Variants in DCDC1 observed in about 807,000 individuals in gnomAD.
The protein encoded by DCDC1 is doublecortin domain-containing protein 1.
A neutral mutation model predicts 178.3 loss-of-function variants in DCDC1; 200 were observed. The ratio of observed to expected loss-of-function variants is 1.12; its 90% CI spans 1.00 to 1.26. The LOEUF is 1.26. DCDC1 is among the 50% of genes most tolerant of loss of function. The pLI, the probability that DCDC1 is intolerant of heterozygous loss-of-function variation, is 0.00. For synonymous variants in DCDC1, 690 were observed against 604.8 expected (o/e 1.14, Z -2.07); for missense variants, 1,983 against 1,749.2 (o/e 1.13, Z -2.38).
chr11:30,959,524 A>T (rs1948966342), intron 20 of DCDC1, among the ~76,000 whole-genome samples: 2 of 152,142 alleles, frequency 1.3e-5, no homozygotes, highest in Admixed American at 6.5e-5. Context: ...GAACTATGGA[A>T]TGCTCATGGG....
At chr11:31,104,395 T>C (rs1320820755) in intron 13 of DCDC1, among the ~76,000 whole-genome samples, 17 of 152,082 alleles carry the variant, frequency 1.1e-4, no homozygotes, top group Non-Finnish European at 2.2e-4. Context: ...GCCAAAAATA[T>C]TTAAACTGAA....
At position 31,365,063 on chromosome 11, in the gene DCDC1, T is replaced by C. The variant is rs1260298006; in HGVS notation, c.-125+4634A>G. 3.9e-5 allele frequency among the ~76,000 whole-genome samples: 6 copies of C among 152,192 alleles called. No homozygotes were observed. In the East Asian group the frequency reaches 1.2e-3, roughly 29 times the overall value. ...GTATTTCCTCTGGCATAGTACTTCC[T>C]ACAGTTATTTCAGTTCCTTTTTAAA... On this transcript the variant is annotated intron_variant, in intron 1 of 38. Transcript: ENST00000684477.
intron 9 of DCDC1, among the ~76,000 whole-genome samples, chr11:31,146,299 TG>T (rs1964445769): frequency 6.6e-6 from 1 of 152,148 alleles, no homozygotes; most frequent in Non-Finnish European, 1.5e-5. Context: ...TTGGCCAGGC[TG>T]GTCTTGAACT....
At chr11:30,988,718 G>C (rs561452498) in intron 20 of DCDC1, among the ~76,000 whole-genome samples, 1 of 151,646 alleles carries the variant, frequency 6.6e-6, no homozygotes, top group Non-Finnish European at 1.5e-5. Context: ...TAACTGATGA[G>C]AAAAAAAACG....
intron 36 of DCDC1, chr11:30,882,369 T>C (rs542246296): frequency 2.0e-5 from 3 of 152,310 alleles, no homozygotes; most frequent in African/African-American, 7.2e-5. Flanking sequence ...TCCAAAAATA[T>C]ATTCCCCTCT....
In DCDC1 at chr11:31,064,458, C is replaced by A; in HGVS notation, c.2591+11G>T. On this transcript the variant is annotated intron_variant, in intron 20 of 38. Coordinates refer to ENST00000684477, the MANE Select transcript of DCDC1 (RefSeq NM_001387274.1). ...ATTGAGCAATAAAGCTCAGTTCTGT[C>A]AGTACCCTACCTCTGAGCAGAAGCC... 3 of 761,742 alleles carry A rather than the reference C, an allele frequency of 3.9e-6. No individual in the cohort carries two copies. Among genetic ancestry groups the A allele is most frequent in the South Asian group, 2.7e-5 (2 of 73,696 alleles). The allele number at this position is 761,742 out of a possible 1,614,324, so 47.2% of individuals were successfully genotyped here. A position where few individuals can be genotyped will look rare whatever the true frequency, so the allele number is the denominator to read the frequency against.
intron 30 of DCDC1, 23 bp from the exon 31 acceptor site, chr11:30,905,187 G>A: frequency 6.5e-7 from 1 of 1,549,334 alleles, no homozygotes; most frequent in South Asian, 1.2e-5. Context: ...AAAATAAATT[G>A]TACATTTACT....
intron 1 of DCDC1, among the ~76,000 whole-genome samples, chr11:31,336,176 G>A (rs972089166): frequency 2.6e-5 from 4 of 152,224 alleles, no homozygotes; most frequent in Non-Finnish European, 1.5e-5. Flanking sequence ...TAAATTGGGA[G>A]TATGTGGGAG....
intron 1 of DCDC1, among the ~76,000 whole-genome samples, chr11:31,366,785 C>T (rs1034189174): frequency 3.9e-5 from 6 of 152,152 alleles, no homozygotes; most frequent in African/African-American, 1.4e-4. Flanking sequence ...GTCAAATTCA[C>T]CTTCCTCACT....
intron 1 of DCDC1, among the ~76,000 whole-genome samples, chr11:31,360,810 A>G (rs1951670345): frequency 6.6e-6 from 1 of 152,178 alleles, no homozygotes; most frequent in African/African-American, 2.4e-5. Flanking sequence ...TACCATCAGA[A>G]AAGAGTTGAG....
chr11:31,162,769 C>T (rs924518422), intron 9 of DCDC1, among the ~76,000 whole-genome samples: 1 of 152,080 alleles, frequency 6.6e-6, no homozygotes, highest in Admixed American at 6.6e-5. Context: ...TATCATTCTA[C>T]AAAACAACTG....
At chr11:31,280,698 C>G (rs1482765170) in intron 7 of DCDC1, 2 of 556,432 alleles carry the variant, frequency 3.6e-6, no homozygotes, top group Non-Finnish European at 6.8e-6. Flanking sequence ...TTAAGACAAG[C>G]TAACAAGTCT....
intron 20 of DCDC1, among the ~76,000 whole-genome samples, chr11:30,991,773 A>G (rs892439617): frequency 1.3e-5 from 2 of 152,162 alleles, no homozygotes; most frequent in East Asian, 1.9e-4. Context: ...ATACAAGTAA[A>G]TTTTTTTAAG....
At chr11:31,244,733 CAA>C (rs1250914535) in intron 8 of DCDC1, among the ~76,000 whole-genome samples, 1 of 151,678 alleles carries the variant, frequency 6.6e-6, no homozygotes, top group East Asian at 1.9e-4. Context: ...AGACATCAGT[CAA>C]ATGGAATCAT....
At chr11:31,047,435 A>T (rs114137977) in intron 20 of DCDC1, among the ~76,000 whole-genome samples, 3,035 of 152,226 alleles carry the variant, frequency 0.02, 106 homozygotes, top group African/African-American at 0.068. Context: ...AAGATTGTAT[A>T]TTTTTTTCTG....
At chr11:31,034,195 T>A (rs746778789) in intron 20 of DCDC1, among the ~76,000 whole-genome samples, 2 of 147,632 alleles carry the variant, frequency 1.4e-5, no homozygotes, top group East Asian at 2.0e-4. Context: ...AATAAAGATA[T>A]AAAGACAGGA....
At chr11:31,051,578 G>A (rs1020924045) in intron 20 of DCDC1, among the ~76,000 whole-genome samples, 5 of 152,170 alleles carry the variant, frequency 3.3e-5, no homozygotes, top group African/African-American at 7.2e-5. Context: ...TGAGGCAGAA[G>A]CACCAGGTAA....
intron 20 of DCDC1, among the ~76,000 whole-genome samples, chr11:30,989,466 A>G (rs1950850745): frequency 6.6e-6 from 1 of 152,138 alleles, no homozygotes; most frequent in Admixed American, 6.6e-5. Context: ...GGGAATTTGG[A>G]AAAATAAAAA....
chr11:31,188,307 T>C (rs1969749547), intron 9 of DCDC1, among the ~76,000 whole-genome samples: 2 of 152,166 alleles, frequency 1.3e-5, no homozygotes, highest in Admixed American at 6.6e-5. Flanking sequence ...ATCAATTGAA[T>C]AGAAGCCCAT....
Sources: allele counts gnomAD v4.1 joint callset (sites outside exome capture counted in the v4.1 genomes callset), GRCh38; gene constraint gnomAD v4.1.1; transcripts MANE v1.5; gene names NCBI Gene and HGNC (gene_info 2026-07-23, HGNC 2026-07-21).